Variants in SMIM31 observed in about 807,000 individuals in gnomAD.
SMIM31 encodes small integral membrane protein 31.
intron 1 of SMIM31, among the ~76,000 whole-genome samples, chr4:164,760,485 C>A (rs1420959540): frequency 6.6e-6 from 1 of 151,536 alleles, no homozygotes; most frequent in Non-Finnish European, 1.5e-5. Flanking sequence ...AATCCCAGCA[C>A]TTTGGGAGGC....
chr4:164,768,534 C>T (rs1248032342), intron 1 of SMIM31, among the ~76,000 whole-genome samples: 1 of 151,888 alleles, frequency 6.6e-6, no homozygotes, highest in African/African-American at 2.4e-5. Context: ...ACATTAACAG[C>T]TGCCTCCTCT....
chr4:164,756,449 G>A (rs1579057797), intron 1 of SMIM31, among the ~76,000 whole-genome samples: 1 of 151,900 alleles, frequency 6.6e-6, no homozygotes, highest in Non-Finnish European at 1.5e-5. Context: ...GTGGGCGCCT[G>A]TAGTTCCAGC....
At chr4:164,787,691 C>T (rs529760113) in intron 2 of SMIM31, among the ~76,000 whole-genome samples, 7 of 151,926 alleles carry the variant, frequency 4.6e-5, no homozygotes, top group Non-Finnish European at 7.4e-5. Flanking sequence ...CTTTTAATCC[C>T]GGCCTCCAAA....
At chr4:164,799,444 A>AT (rs35471761) in intron 2 of SMIM31, among the ~76,000 whole-genome samples, 9,399 of 151,594 alleles carry the variant, frequency 0.062, 386 homozygotes, top group South Asian at 0.13. Flanking sequence ...AGTCTGAGGG[A>AT]TTTTTTTTTA....
At chr4:164,758,635 T>TTG (rs1553964701) in intron 1 of SMIM31, among the ~76,000 whole-genome samples, 44 of 124,270 alleles carry the variant, frequency 3.5e-4, no homozygotes, top group South Asian at 9.1e-4. Context: ...TTTTTGTTTT[T>TTG]TTTTTTTTTT....
intron 2 of SMIM31, among the ~76,000 whole-genome samples, chr4:164,779,977 A>T (rs571502197): frequency 1.3e-5 from 2 of 152,312 alleles, no homozygotes; most frequent in South Asian, 4.1e-4. Flanking sequence ...CAAGAAAAAT[A>T]ATTTTGCTCT....
At chr4:164,765,178 G>A (rs1732704030) in intron 1 of SMIM31, among the ~76,000 whole-genome samples, 1 of 152,130 alleles carries the variant, frequency 6.6e-6, no homozygotes, top group Non-Finnish European at 1.5e-5. Flanking sequence ...AAGAAACAGA[G>A]GAAGGCAACA....
intron 1 of SMIM31, among the ~76,000 whole-genome samples, chr4:164,756,558 C>T (rs181647512): frequency 5.3e-4 from 79 of 147,756 alleles, no homozygotes; most frequent in Admixed American, 9.5e-4. Flanking sequence ...GGGGACAGAG[C>T]GAGACTCTGT....
chr4:164,785,229 A>C (rs552814475), intron 2 of SMIM31, among the ~76,000 whole-genome samples: 9 of 111,956 alleles, frequency 8.0e-5, no homozygotes, highest in African/African-American at 3.9e-4. Flanking sequence ...TCTCAAAAAA[A>C]TAAATAAATA....
intron 2 of SMIM31, among the ~76,000 whole-genome samples, chr4:164,799,460 G>A (rs762890699): frequency 2.0e-5 from 3 of 151,692 alleles, no homozygotes; most frequent in African/African-American, 7.3e-5. Flanking sequence ...TTTTAACAGC[G>A]ATGGAAAGAA....
At chr4:164,762,777 C>G (rs974809305) in intron 1 of SMIM31, among the ~76,000 whole-genome samples, 2 of 152,016 alleles carry the variant, frequency 1.3e-5, no homozygotes, top group African/African-American at 4.8e-5. Flanking sequence ...TGCTTATATT[C>G]AGTGCACACT....
At chr4:164,757,295 T>G (rs1029268235) in intron 1 of SMIM31, among the ~76,000 whole-genome samples, 5 of 152,212 alleles carry the variant, frequency 3.3e-5, no homozygotes, top group African/African-American at 1.2e-4. Flanking sequence ...GGAGTTTTCA[T>G]AAGTATGTAT....
At chr4:164,791,127 TTTG>T (rs1296689073) in intron 2 of SMIM31, among the ~76,000 whole-genome samples, 3 of 152,172 alleles carry the variant, frequency 2.0e-5, no homozygotes, top group Non-Finnish European at 4.4e-5. Context: ...TCTATCCTCT[TTTG>T]TTGTTAATTT....
intron 2 of SMIM31, among the ~76,000 whole-genome samples, chr4:164,797,248 C>T (rs549454183): frequency 6.6e-6 from 1 of 152,082 alleles, no homozygotes; most frequent in Non-Finnish European, 1.5e-5. Flanking sequence ...ATCATGCATG[C>T]TAACATGCCA....
Position 164,801,773 on chromosome 4 carries a change from G to A in SMIM31, c.*579G>A, listed in dbSNP as rs764919283. On this transcript the variant is annotated 3_prime_UTR_variant, in exon 3 of 3. Transcript: ENST00000507311. ...TAAGCTTTAAAACACAAATGTCTAC[G>A]TTTTCTGAAGCAATATGGTTTACAG... is the stretch of plus-strand genomic sequence containing the variant. 6 of 152,036 alleles carry A rather than the reference G, an allele frequency of 3.9e-5. No homozygotes were observed. The highest frequency in any genetic ancestry group is 9.7e-5 in the African/African-American group (4 of 41,396). The allele number at this position is 152,036 out of a possible 1,614,324, so 9.4% of individuals were successfully genotyped here.
At chr4:164,799,065 T>A (rs1733248878) in intron 2 of SMIM31, among the ~76,000 whole-genome samples, 1 of 152,116 alleles carries the variant, frequency 6.6e-6, no homozygotes, top group African/African-American at 2.4e-5. Context: ...TGCAGAAGCA[T>A]GAGCTACTTA....
intron 2 of SMIM31, among the ~76,000 whole-genome samples, chr4:164,795,315 T>A (rs1239419871): frequency 6.6e-6 from 1 of 152,146 alleles, no homozygotes; most frequent in Non-Finnish European, 1.5e-5. Flanking sequence ...CCCAGCACTT[T>A]GGGAGGCCAA....
chr4:164,764,532 A>G (rs753160047), intron 1 of SMIM31, among the ~76,000 whole-genome samples: 2 of 150,604 alleles, frequency 1.3e-5, no homozygotes, highest in South Asian at 2.1e-4. Context: ...GCGCCACTGC[A>G]CTACAGCCTG....
intron 1 of SMIM31, among the ~76,000 whole-genome samples, chr4:164,760,738 T>TAAAAAA (rs60710008): frequency 2.7e-4 from 23 of 86,190 alleles, no homozygotes; most frequent in South Asian, 4.7e-4. Flanking sequence ...AGACTCCACC[T>TAAAAAA]AAAAAAAAAA....
Sources: allele counts gnomAD v4.1 joint callset (sites outside exome capture counted in the v4.1 genomes callset), GRCh38; gene constraint gnomAD v4.1.1; transcripts MANE v1.5; gene names NCBI Gene and HGNC (gene_info 2026-07-23, HGNC 2026-07-21).